Variants in SRGAP3 observed in about 807,000 individuals in gnomAD.
SRGAP3 encodes the protein SLIT-ROBO Rho GTPase activating protein 3.
Under a neutral mutation model 121.1 loss-of-function variants are expected in SRGAP3, and 39 were observed. That is an observed-to-expected ratio of 0.32 (90% CI 0.25 to 0.42). SRGAP3 has a LOEUF of 0.42. Ranked by LOEUF, SRGAP3 falls within the 10% of genes least tolerant of loss-of-function variation. The probability of loss-of-function intolerance (pLI) is 1.00; values close to 1 mark genes in which losing one functional copy is unlikely to be tolerated. For missense variants in SRGAP3, 1,213 were observed against 1,470.6 expected (o/e 0.82, Z 2.86); for synonymous variants, 601 against 570.0 (o/e 1.05, Z -0.77).
intron 1 of SRGAP3, among the ~76,000 whole-genome samples, chr3:9,151,990 T>C (rs1262054361): frequency 2.0e-5 from 3 of 152,208 alleles, no homozygotes; most frequent in African/African-American, 7.2e-5. Context: ...CCATGTGTCC[T>C]ATGGAAATGC....
chr3:9,361,829 T>C (rs568444922), intron 1 of SRGAP3, among the ~76,000 whole-genome samples: 1 of 152,248 alleles, frequency 6.6e-6, no homozygotes, highest in South Asian at 2.1e-4. Flanking sequence ...TTCTGGCCAG[T>C]CGACAGAGGA....
At chr3:9,027,066 C>G in intron 12 of SRGAP3, 71 bp from the exon 13 acceptor site, 1 of 1,380,444 alleles carries the variant, frequency 7.2e-7, no homozygotes, top group South Asian at 1.2e-5. Flanking sequence ...TTGCAAACAC[C>G]GATTACAGAC....
At chr3:9,258,841 G>A (rs1333058978) in intron 3 of SRGAP3, among the ~76,000 whole-genome samples, 1 of 152,214 alleles carries the variant, frequency 6.6e-6, no homozygotes, top group African/African-American at 2.4e-5. Context: ...TGGTCCCTCT[G>A]TCTCTGATCG....
At chr3:9,026,811 C>G (rs1010922709) in intron 13 of SRGAP3, 124 bp downstream of exon 13, 16 of 1,056,656 alleles carry the variant, frequency 1.5e-5, no homozygotes, top group Non-Finnish European at 2.1e-5. Flanking sequence ...GCAGTACTTT[C>G]CCCCTCCAAA....
chr3:9,037,828 C>A, intron 11 of SRGAP3: 1 of 596,482 alleles, frequency 1.7e-6, no homozygotes, highest in Non-Finnish European at 3.0e-6. Context: ...TGCCACACAG[C>A]AGCCCCAAAA....
chr3:9,161,602 C>T lies in SRGAP3; in HGVS notation c.68-36685G>A, dbSNP rs545481029. ...TAAATGCTGAATTGAGTCCTTTCTG[C>T]AGCTCCAGGAGGTTTCTCGGAAACC... On this transcript the variant is annotated intron_variant, in intron 1 of 21. Transcript: ENST00000383836. 2.6e-5 allele frequency among the ~76,000 whole-genome samples: 4 copies of T among 152,358 alleles called. No individual in the cohort carries two copies. In the South Asian group the frequency reaches 8.3e-4, roughly 32 times the overall value.
rs1478185798 is a variant in SRGAP3, at chr3:8,990,493, C to A, written c.2886+19G>T. On this transcript the variant is annotated intron_variant, in intron 21 of 21. Transcript: ENST00000383836. ...CTGGGGCTTTTGGCTGCCCAGCCTGCCTTCCCGCTGGCCCTTACTTCTGCC... is the reference window on the plus strand; with the variant it reads ...CTGGGGCTTTTGGCTGCCCAGCCTGACTTCCCGCTGGCCCTTACTTCTGCC... The A allele has an allele frequency of 6.5e-7, 1 of 1,550,370 alleles. No individual in the cohort carries two copies. The highest frequency in any genetic ancestry group is 2.4e-5 in the East Asian group (1 of 41,054).
intron 3 of SRGAP3, among the ~76,000 whole-genome samples, chr3:9,301,254 A>T (rs1465126336): frequency 1.3e-5 from 2 of 152,204 alleles, no homozygotes; most frequent in Non-Finnish European, 2.9e-5. Flanking sequence ...GAGAGGACAA[A>T]TCCCAGATAG....
chr3:9,215,986 C>T (rs141949422), intron 1 of SRGAP3, among the ~76,000 whole-genome samples: 303 of 152,308 alleles, frequency 2.0e-3, no homozygotes, highest in African/African-American at 7.1e-3. Context: ...TAATAACTCC[C>T]CTCAGACAGA....
chr3:9,222,631 G>T (rs1351908139), intron 1 of SRGAP3, among the ~76,000 whole-genome samples: 1 of 152,102 alleles, frequency 6.6e-6, no homozygotes, highest in Non-Finnish European at 1.5e-5. Flanking sequence ...CTTCTTTTTA[G>T]CATCTTCTGT....
At chr3:9,276,025 C>A (rs1954569007) in intron 3 of SRGAP3, among the ~76,000 whole-genome samples, 1 of 151,974 alleles carries the variant, frequency 6.6e-6, no homozygotes, top group Non-Finnish European at 1.5e-5. Context: ...CATAGCAAGA[C>A]CCTGTCTGTA....
intron 1 of SRGAP3, among the ~76,000 whole-genome samples, chr3:9,341,434 A>G (rs949754169): frequency 1.3e-5 from 2 of 152,196 alleles, no homozygotes; most frequent in African/African-American, 2.4e-5. Context: ...CAGCTATAGG[A>G]GCCTCCCCTG....
chr3:9,290,888 A>G (rs1342986583), intron 3 of SRGAP3, among the ~76,000 whole-genome samples: 2 of 152,190 alleles, frequency 1.3e-5, no homozygotes, highest in Non-Finnish European at 2.9e-5. Context: ...CAGAGTATAT[A>G]TCTTGCTATA....
intron 18 of SRGAP3, among the ~76,000 whole-genome samples, chr3:9,003,244 C>T (rs1942865361): frequency 1.3e-5 from 2 of 152,150 alleles, no homozygotes; most frequent in Non-Finnish European, 2.9e-5. Flanking sequence ...CTTTGGGAGG[C>T]AGAGCTGGGC....
chr3:9,144,831 T>C (rs1210105975), intron 1 of SRGAP3, among the ~76,000 whole-genome samples: 1 of 152,248 alleles, frequency 6.6e-6, no homozygotes, highest in Non-Finnish European at 1.5e-5. Context: ...ATCTCAACTG[T>C]GGTATACTCA....
chr3:9,025,934 GCAGGCTTTGGT>G (rs1403081976), intron 13 of SRGAP3, among the ~76,000 whole-genome samples: 4 of 152,202 alleles, frequency 2.6e-5, no homozygotes, highest in Non-Finnish European at 4.4e-5. Context: ...CTCTCAAAAG[GCAGGCTTTGGT>G]CAAAGTTTGG....
intron 3 of SRGAP3, among the ~76,000 whole-genome samples, chr3:9,083,860 T>C (rs1376781476): frequency 3.3e-5 from 5 of 152,138 alleles, no homozygotes; most frequent in Non-Finnish European, 1.5e-5. Context: ...AGAAGCCATG[T>C]CATCATCTCC....
intron 8 of SRGAP3, among the ~76,000 whole-genome samples, chr3:9,055,209 G>A (rs1424628519): frequency 1.3e-5 from 2 of 152,208 alleles, no homozygotes; most frequent in East Asian, 1.9e-4. Flanking sequence ...GCTCCAATCT[G>A]TCTCACATTT....
chr3:9,062,981 G>C (rs1946246381), intron 5 of SRGAP3, among the ~76,000 whole-genome samples: 1 of 152,120 alleles, frequency 6.6e-6, no homozygotes, highest in Admixed American at 6.5e-5. Flanking sequence ...CCCTTTAGTA[G>C]TGTGTGAAGA....
Sources: gnomAD v4.1 joint callset for allele counts (sites outside exome capture counted in the v4.1 genomes callset) on GRCh38, gnomAD v4.1.1 for gene constraint, MANE v1.5 for transcripts, NCBI Gene and HGNC (gene_info 2026-07-23, HGNC 2026-07-21) for gene names.